The following SCAPER variants were observed in gnomAD, a reference collection of about 807,000 sequenced individuals.
The protein encoded by SCAPER is S phase cyclin A-associated protein in the endoplasmic reticulum.
In SCAPER, 98 loss-of-function variants were observed where a neutral mutation model predicts 182.2. That is an observed-to-expected ratio of 0.54 (90% CI 0.46 to 0.64). The LOEUF is 0.64. Ranked by LOEUF, SCAPER falls within the 30% of genes least tolerant of loss-of-function variation. The pLI is 0.00. For synonymous variants in SCAPER, 605 were observed against 564.6 expected (o/e 1.07, Z -1.01); for missense variants, 1,432 against 1,690.0 (o/e 0.85, Z 2.68).
intron 23 of SCAPER, 121 bp downstream of exon 23, chr15:76,574,037 A>C: frequency 1.1e-6 from 1 of 925,494 alleles, no homozygotes; most frequent in Middle Eastern, 2.4e-4. Flanking sequence ...TCTATTATTG[A>C]CTAGCTTTAA....
chr15:76,574,356 T>C (rs2047667805), intron 22 of SCAPER, 72 bp from the exon 23 acceptor site: 1 of 1,514,530 alleles, frequency 6.6e-7, no homozygotes, highest in South Asian at 1.2e-5. Context: ...CAAAACACTT[T>C]GAAACACAAG....
chr15:76,735,991 T>C (rs2061241155), intron 15 of SCAPER, among the ~76,000 whole-genome samples: 3 of 152,186 alleles, frequency 2.0e-5, no homozygotes, highest in Admixed American at 1.3e-4. Context: ...AAAAATGTTT[T>C]TTAATGGGTG....
At chr15:76,489,011 C>A (rs939955576) in intron 24 of SCAPER, among the ~76,000 whole-genome samples, 3 of 151,266 alleles carry the variant, frequency 2.0e-5, no homozygotes, top group Non-Finnish European at 4.4e-5. Context: ...GCGTGAGCCA[C>A]TGCGCCCAGC....
chr15:76,865,537 CAG>C (rs1299398008), intron 2 of SCAPER, among the ~76,000 whole-genome samples: 1 of 151,916 alleles, frequency 6.6e-6, no homozygotes, highest in African/African-American at 2.4e-5. Context: ...AATAAATAAA[CAG>C]AATGGATTTT....
intron 5 of SCAPER, among the ~76,000 whole-genome samples, chr15:76,830,237 G>A (rs1417540544): frequency 6.6e-6 from 1 of 152,128 alleles, no homozygotes. Context: ...CAAAAGTGGT[G>A]TGAAATGAAG....
At chr15:76,668,058 T>C (rs1289540662) in intron 20 of SCAPER, among the ~76,000 whole-genome samples, 1 of 152,232 alleles carries the variant, frequency 6.6e-6, no homozygotes, top group African/African-American at 2.4e-5. Context: ...AACAAAACTC[T>C]TATGTTCTTT....
At chr15:76,571,799 T>C (rs1377189949) in intron 23 of SCAPER, among the ~76,000 whole-genome samples, 1 of 152,096 alleles carries the variant, frequency 6.6e-6, no homozygotes, top group African/African-American at 2.4e-5. Context: ...TCCAGGCAGT[T>C]TTCCAAACAA....
intron 26 of SCAPER, among the ~76,000 whole-genome samples, chr15:76,423,325 A>G (rs888864973): frequency 3.9e-5 from 6 of 152,120 alleles, no homozygotes; most frequent in Admixed American, 6.5e-5. Flanking sequence ...CAGAGATTCA[A>G]CTTCTTCCTG....
chr15:76,863,473 A>C (rs1467195051), intron 2 of SCAPER, among the ~76,000 whole-genome samples: 1 of 152,234 alleles, frequency 6.6e-6, no homozygotes, highest in Non-Finnish European at 1.5e-5. Flanking sequence ...AGCGCAATAC[A>C]TTTAACGAGG....
chr15:76,871,739 C>T (rs891591007), intron 2 of SCAPER, among the ~76,000 whole-genome samples: 3 of 151,752 alleles, frequency 2.0e-5, no homozygotes, highest in Non-Finnish European at 4.4e-5. Context: ...TACAGGCACA[C>T]GCCACCATGC....
At chr15:76,600,446 T>C (rs1409503190) in intron 22 of SCAPER, among the ~76,000 whole-genome samples, 2 of 34,810 alleles carry the variant, frequency 5.7e-5, no homozygotes, top group African/African-American at 1.1e-4. Context: ...TATACATATA[T>C]ATATATATTT....
chr15:76,669,240 A>AAC (rs2056841405), intron 20 of SCAPER, among the ~76,000 whole-genome samples: 1 of 144,318 alleles, frequency 6.9e-6, no homozygotes, highest in African/African-American at 2.6e-5. Context: ...ACAACAACAA[A>AAC]AACCCACAGA....
intron 24 of SCAPER, among the ~76,000 whole-genome samples, chr15:76,503,176 T>A (rs1440621678): frequency 6.6e-6 from 1 of 152,228 alleles, no homozygotes; most frequent in Non-Finnish European, 1.5e-5. Flanking sequence ...CAATATCATT[T>A]CCTTTCTTAT....
chr15:76,822,244 C>T (rs925652081), intron 5 of SCAPER, among the ~76,000 whole-genome samples: 2 of 151,946 alleles, frequency 1.3e-5, no homozygotes, highest in African/African-American at 2.4e-5. Flanking sequence ...ATGGAGGAGG[C>T]TATGCATGTA....
chr15:76,837,095 T>C (rs1298875619), intron 5 of SCAPER, among the ~76,000 whole-genome samples: 1 of 151,984 alleles, frequency 6.6e-6, no homozygotes, highest in Non-Finnish European at 1.5e-5. Context: ...ATTAACAAAG[T>C]AAACAGACAA....
At chr15:76,484,375 A>C (rs547374067) in intron 24 of SCAPER, among the ~76,000 whole-genome samples, 1 of 152,334 alleles carries the variant, frequency 6.6e-6, no homozygotes, top group South Asian at 2.1e-4. Context: ...CTATTTACAT[A>C]AACTAGAAAA....
At chr15:76,659,622 G>C (rs1370889190) in intron 21 of SCAPER, among the ~76,000 whole-genome samples, 3 of 152,132 alleles carry the variant, frequency 2.0e-5, no homozygotes, top group African/African-American at 7.2e-5. Context: ...GCATATGAAA[G>C]AATGTTTAAC....
chr15:76,560,237 T>C lies in SCAPER; in HGVS notation c.2838+13921A>G, dbSNP rs568414171. Among the ~76,000 whole-genome samples the C allele has an allele frequency of 2.6e-5, 4 of 152,240 alleles. No homozygotes were observed. The South Asian group carries it at 6.2e-4, about 24-fold the overall frequency. On this transcript the variant is annotated intron_variant, in intron 23 of 31. Transcript: ENST00000563290. Reference sequence around the variant, plus strand: ...GGAATTAGTACCCTTGTGAAGGAGGTTGAAGGGAGTAATCCTATCCTACTT... The same window carrying C: ...GGAATTAGTACCCTTGTGAAGGAGGCTGAAGGGAGTAATCCTATCCTACTT...
chr15:76,870,996 TAAG>T (rs1020698128), intron 2 of SCAPER, among the ~76,000 whole-genome samples: 1 of 152,072 alleles, frequency 6.6e-6, no homozygotes, highest in African/African-American at 2.4e-5. Context: ...CTCAAATTAA[TAAG>T]AATAAAACTG....
Sources: allele counts gnomAD v4.1 joint callset (sites outside exome capture counted in the v4.1 genomes callset), GRCh38; gene constraint gnomAD v4.1.1; transcripts MANE v1.5; gene names NCBI Gene and HGNC (gene_info 2026-07-23, HGNC 2026-07-21).